Variants in CAMK2D observed in about 807,000 individuals in gnomAD.
The protein encoded by CAMK2D is calcium/calmodulin-dependent protein kinase type II subunit delta.
In CAMK2D, 37 loss-of-function variants were observed where a neutral mutation model predicts 84.0. The observed-to-expected ratio is 0.44, with a 90% CI of 0.34 to 0.58. The LOEUF (loss-of-function observed/expected upper bound fraction) is 0.58. Among genes scored for constraint, CAMK2D ranks in the 20% least tolerant of loss-of-function variants. CAMK2D has a pLI of 0.02. For missense variants in CAMK2D, 448 were observed against 652.5 expected (o/e 0.69, Z 3.41); for synonymous variants, 202 against 212.5 (o/e 0.95, Z 0.43).
intron 2 of CAMK2D, among the ~76,000 whole-genome samples, chr4:113,717,428 C>A (rs72899816): frequency 6.6e-6 from 1 of 151,960 alleles, no homozygotes; most frequent in African/African-American, 2.4e-5. Flanking sequence ...CTCGTATAAT[C>A]AACTTTTATA....
chr4:113,496,679 C>T (rs1185292967), intron 16 of CAMK2D, among the ~76,000 whole-genome samples: 1 of 151,792 alleles, frequency 6.6e-6, no homozygotes, highest in Non-Finnish European at 1.5e-5. Context: ...GGACTCCTGA[C>T]CTCAAGGGAT....
chr4:113,469,426 T>C (rs1408765671), intron 16 of CAMK2D, among the ~76,000 whole-genome samples: 2 of 152,238 alleles, frequency 1.3e-5, no homozygotes, highest in African/African-American at 4.8e-5. Context: ...TCATTTGCCA[T>C]GTTATCCTTC....
At chr4:113,537,008 A>G (rs879792665) in intron 7 of CAMK2D, among the ~76,000 whole-genome samples, 1 of 152,212 alleles carries the variant, frequency 6.6e-6, no homozygotes, top group Non-Finnish European at 1.5e-5. Flanking sequence ...TATGCAAACA[A>G]TCAACTTTCT....
Position 113,465,600 on chromosome 4 carries a change from T to C in CAMK2D, c.1140A>G (p.Arg380=). 1.2e-6 allele frequency: 2 copies of C among 1,608,766 alleles called. No individual in the cohort carries two copies. Among genetic ancestry groups the C allele is most frequent in the Non-Finnish European group, 1.7e-6 (2 of 1,175,338 alleles). ...TTIEDEDVKA[R]KQEIIKVTEQ... The stretch of plus-strand genomic sequence containing the variant: ...CAGTGACTTTGATAATCTCTTGCTT[T>C]CGTGCTAAAGGCAAAAATATGGAGT... The change falls in exon 17 of 21, where the codon CGA becomes CGG. Residue 380 remains arginine (R), a synonymous_variant. Coordinates refer to ENST00000511664, the MANE Select transcript of CAMK2D (RefSeq NM_001321571.2).
In CAMK2D at chr4:113,470,714, A is replaced by G. The variant is rs114302467; in HGVS notation, c.1136-5110T>C. On this transcript the variant is annotated intron_variant, in intron 16 of 20. Transcript: ENST00000511664. ...TCCCCGCGATGTTATGAATTCATAC[A>G]TAGCTGGCACCTGATTTTTAAAAGC... Among the ~76,000 whole-genome samples the G allele has an allele frequency of 9.7e-3, 1,478 of 152,220 alleles. 20 individuals carry two copies. The highest frequency in any genetic ancestry group is 0.02 in the Middle Eastern group (6 of 294).
At chr4:113,530,485 G>A (rs912213327) in intron 8 of CAMK2D, among the ~76,000 whole-genome samples, 1 of 152,128 alleles carries the variant, frequency 6.6e-6, no homozygotes, top group African/African-American at 2.4e-5. Context: ...TGTTCAACTT[G>A]TATTTTAAAT....
At chr4:113,751,714 G>A (rs573490859) in intron 2 of CAMK2D, among the ~76,000 whole-genome samples, 9 of 152,182 alleles carry the variant, frequency 5.9e-5, no homozygotes, top group African/African-American at 1.9e-4. Context: ...AGGTTGCAGT[G>A]AGCCGAGATA....
chr4:113,649,953 G>A (rs771502659), intron 3 of CAMK2D, among the ~76,000 whole-genome samples: 2 of 151,840 alleles, frequency 1.3e-5, no homozygotes, highest in African/African-American at 2.4e-5. Flanking sequence ...GTGGTGGCAC[G>A]TGCCTGTAAT....
chr4:113,589,465 G>A (rs537508938), intron 4 of CAMK2D, among the ~76,000 whole-genome samples: 17 of 152,274 alleles, frequency 1.1e-4, no homozygotes, highest in African/African-American at 4.1e-4. Context: ...AGTATGGCTG[G>A]AGCGGAGTGA....
At chr4:113,514,892 G>A (rs1460799214) in intron 10 of CAMK2D, among the ~76,000 whole-genome samples, 177 bp downstream of exon 10, 1 of 152,116 alleles carries the variant, frequency 6.6e-6, no homozygotes, top group Non-Finnish European at 1.5e-5. Flanking sequence ...CTTTGCTACT[G>A]AAAATTGCAT....
At chr4:113,567,816 T>C (rs1016922558) in intron 4 of CAMK2D, among the ~76,000 whole-genome samples, 5 of 152,158 alleles carry the variant, frequency 3.3e-5, no homozygotes, top group Non-Finnish European at 5.9e-5. Flanking sequence ...GCTAAAATAG[T>C]TGAAGAACAT....
At chr4:113,633,903 T>C (rs1035290841) in intron 3 of CAMK2D, among the ~76,000 whole-genome samples, 3 of 152,230 alleles carry the variant, frequency 2.0e-5, no homozygotes, top group African/African-American at 7.2e-5. Context: ...TAGTAGTTGT[T>C]ATAATTTGAA....
chr4:113,592,986 T>C (rs1388689836), intron 4 of CAMK2D, among the ~76,000 whole-genome samples: 4 of 152,138 alleles, frequency 2.6e-5, no homozygotes, highest in African/African-American at 9.7e-5. Flanking sequence ...CCCAAGTAGC[T>C]GGGATTACAG....
intron 3 of CAMK2D, among the ~76,000 whole-genome samples, chr4:113,612,660 A>G (rs1181905999): frequency 6.6e-6 from 1 of 152,246 alleles, no homozygotes; most frequent in Middle Eastern, 3.2e-3. Context: ...AACATTTGAG[A>G]AAACAGGTTA....
chr4:113,599,103 AT>A (rs1406465946), intron 4 of CAMK2D, among the ~76,000 whole-genome samples: 1 of 152,196 alleles, frequency 6.6e-6, no homozygotes, highest in Non-Finnish European at 1.5e-5. Context: ...AATTGTAACA[AT>A]GGAATATCAC....
chr4:113,576,209 T>C (rs796909406), intron 4 of CAMK2D, among the ~76,000 whole-genome samples: 6 of 152,162 alleles, frequency 3.9e-5, no homozygotes, highest in South Asian at 2.1e-4. Flanking sequence ...CCCCTGAAAA[T>C]ATTTTTTATT....
intron 8 of CAMK2D, among the ~76,000 whole-genome samples, chr4:113,522,192 G>A (rs2098369261): frequency 6.6e-6 from 1 of 152,168 alleles, no homozygotes; most frequent in Non-Finnish European, 1.5e-5. Context: ...TCTAAATGCT[G>A]TTCTTACAAA....
At chr4:113,550,534 G>C (rs1205967513) in intron 5 of CAMK2D, among the ~76,000 whole-genome samples, 1 of 152,164 alleles carries the variant, frequency 6.6e-6, no homozygotes, top group Non-Finnish European at 1.5e-5. Flanking sequence ...TTATCGGAGA[G>C]CTTTCATAAA....
chr4:113,715,725 T>A (rs149026953), intron 2 of CAMK2D, among the ~76,000 whole-genome samples: 164 of 152,308 alleles, frequency 1.1e-3, no homozygotes, highest in African/African-American at 3.8e-3. Flanking sequence ...AGTGAAACAG[T>A]ATACAGCTGA....
Sources: allele counts gnomAD v4.1 joint callset (sites outside exome capture counted in the v4.1 genomes callset), GRCh38; gene constraint gnomAD v4.1.1; transcripts MANE v1.5; gene names NCBI Gene and HGNC (gene_info 2026-07-23, HGNC 2026-07-21).